Variants in CALCRL observed in about 807,000 individuals in gnomAD.
CALCRL encodes the protein calcitonin receptor like receptor.
CALCRL carries 27 observed loss-of-function variants against 60.4 expected under a neutral mutation model. The ratio of observed to expected loss-of-function variants is 0.45; its 90% confidence interval spans 0.33 to 0.62. The LOEUF (loss-of-function observed/expected upper bound fraction) is 0.62, where lower values mean the gene tolerates loss of function less well. Among genes scored for constraint, CALCRL ranks in the 20% least tolerant of loss-of-function variants. CALCRL has a pLI of 0.03. For synonymous variants in CALCRL, 190 were observed against 182.6 expected, an observed-to-expected ratio of 1.04 and a Z score of -0.33; for missense variants, 424 against 540.7, an observed-to-expected ratio of 0.78 and a Z score of 2.14.
chr2:187,434,014 T>G (rs1194194888), intron 1 of CALCRL, among the ~76,000 whole-genome samples: 26 of 150,824 alleles, frequency 1.7e-4, no homozygotes, highest in Non-Finnish European at 3.8e-4. Context: ...CAACCAATTT[T>G]TAAAAAAGAA....
intron 1 of CALCRL, among the ~76,000 whole-genome samples, chr2:187,428,000 ACAGAGATCAACAC>A (rs1295766717): frequency 6.6e-6 from 1 of 151,582 alleles, no homozygotes; most frequent in African/African-American, 2.4e-5. Flanking sequence ...GAAATTTTTT[ACAGAGATCAACAC>A]CAGGGCTGTT....
intron 1 of CALCRL, among the ~76,000 whole-genome samples, chr2:187,438,448 G>A (rs1015594492): frequency 1.3e-5 from 2 of 152,194 alleles, no homozygotes; most frequent in South Asian, 2.1e-4. Context: ...CCAAACAGAC[G>A]TAAAACTTTT....
chr2:187,432,154 C>A (rs1241049110), intron 1 of CALCRL, among the ~76,000 whole-genome samples: 4 of 152,094 alleles, frequency 2.6e-5, no homozygotes, highest in Non-Finnish European at 4.4e-5. Flanking sequence ...AGTTTTAAAT[C>A]TCCATAAACA....
intron 12 of CALCRL, among the ~76,000 whole-genome samples, chr2:187,356,886 A>G (rs1686816969): frequency 6.6e-6 from 1 of 152,258 alleles, no homozygotes; most frequent in South Asian, 2.1e-4. Context: ...TATGCAGCCA[A>G]CAAACATATG....
chr2:187,392,055 A>T (rs1688469007), intron 1 of CALCRL, among the ~76,000 whole-genome samples: 1 of 152,132 alleles, frequency 6.6e-6, no homozygotes, highest in Admixed American at 6.6e-5. Flanking sequence ...ACACAAAAAA[A>T]CATAAATCCT....
chr2:187,347,941 T>C (rs1189000858), intron 14 of CALCRL, among the ~76,000 whole-genome samples: 1 of 151,798 alleles, frequency 6.6e-6, no homozygotes, highest in African/African-American at 2.4e-5. Flanking sequence ...TAACTTCGTA[T>C]TGAAAGTTAC....
chr2:187,403,382 T>C (rs1468162980), intron 1 of CALCRL, among the ~76,000 whole-genome samples: 1 of 151,764 alleles, frequency 6.6e-6, no homozygotes, highest in East Asian at 1.9e-4. Flanking sequence ...AAGAAAAAAT[T>C]GTCCAGGAGG....
intron 5 of CALCRL, 26 bp from the exon 6 acceptor site, chr2:187,380,813 A>G: frequency 1.3e-6 from 2 of 1,551,694 alleles, no homozygotes. Context: ...ATAATTGGGG[A>G]TAATTAAATC....
chr2:187,377,422 A>C (rs1471894500), intron 8 of CALCRL, among the ~76,000 whole-genome samples: 1 of 152,130 alleles, frequency 6.6e-6, no homozygotes, highest in Non-Finnish European at 1.5e-5. Flanking sequence ...TTTCTGGCCA[A>C]TGTGATTGGA....
chr2:187,425,963 T>G (rs1690098623), intron 1 of CALCRL, among the ~76,000 whole-genome samples: 1 of 152,026 alleles, frequency 6.6e-6, no homozygotes, highest in South Asian at 2.1e-4. Context: ...TTCACAGCGG[T>G]TGGAAATGGT....
intron 8 of CALCRL, among the ~76,000 whole-genome samples, chr2:187,374,943 C>T (rs1248787796): frequency 1.3e-5 from 2 of 152,118 alleles, no homozygotes; most frequent in African/African-American, 4.8e-5. Context: ...GTTTGGAATA[C>T]ATCCCATGTC....
intron 1 of CALCRL, among the ~76,000 whole-genome samples, chr2:187,390,980 G>T (rs151018758): frequency 2.0e-4 from 31 of 152,252 alleles, no homozygotes; most frequent in Admixed American, 1.3e-3. Flanking sequence ...CAGACACGTG[G>T]TGAGAGGTAG....
chr2:187,371,032 G>A (rs1161523113), intron 8 of CALCRL, among the ~76,000 whole-genome samples: 1 of 152,074 alleles, frequency 6.6e-6, no homozygotes, highest in African/African-American at 2.4e-5. Flanking sequence ...CACGAATTCA[G>A]GAGATCAAGA....
intron 8 of CALCRL, among the ~76,000 whole-genome samples, chr2:187,369,591 CACTT>C: frequency 6.6e-6 from 1 of 152,258 alleles, no homozygotes; most frequent in Non-Finnish European, 1.5e-5. Context: ...TCCATCTAGT[CACTT>C]ACTATTGGAT....
chr2:187,359,029 A>T, intron 12 of CALCRL, 34 bp downstream of exon 12: 2 of 1,532,134 alleles, frequency 1.3e-6, no homozygotes, highest in Non-Finnish European at 1.8e-6. Flanking sequence ...TTGAAATGTG[A>T]GCAATGATAA....
At chr2:187,385,660 T>G (rs1688176064) in intron 3 of CALCRL, 29 bp from the exon 4 acceptor site, 1 of 1,095,262 alleles carries the variant, frequency 9.1e-7, no homozygotes, top group Non-Finnish European at 1.3e-6. Context: ...GAAATATAAT[T>G]CATCAATATT....
intron 8 of CALCRL, among the ~76,000 whole-genome samples, chr2:187,365,372 C>T (rs563179177): frequency 2.4e-4 from 36 of 152,264 alleles, no homozygotes; most frequent in Admixed American, 9.8e-4. Context: ...GAGCTTACCC[C>T]ATGTCTATTG....
chr2:187,346,490 G>A, intron 14 of CALCRL, 91 bp from the exon 15 acceptor site: 1 of 826,796 alleles, frequency 1.2e-6, no homozygotes. Context: ...ATAGGTCTTG[G>A]AGAAGAGCTT....
At chr2:187,391,652 C>G (rs551588305) in intron 1 of CALCRL, among the ~76,000 whole-genome samples, 224 of 152,122 alleles carry the variant, frequency 1.5e-3, no homozygotes, top group African/African-American at 5.1e-3. Flanking sequence ...AAAAATTAAA[C>G]TAAGTGGTTT....
Sources: gnomAD v4.1 joint callset for allele counts (sites outside exome capture counted in the v4.1 genomes callset) on GRCh38, gnomAD v4.1.1 for gene constraint, MANE v1.5 for transcripts, NCBI Gene and HGNC (gene_info 2026-07-23, HGNC 2026-07-21) for gene names.